The following APOL5 variants were observed in gnomAD, a reference collection of about 807,000 sequenced individuals.
APOL5 encodes apolipoprotein L, 5.
Under a neutral mutation model 35.5 loss-of-function variants are expected in APOL5, and 29 were observed. That is an observed-to-expected ratio of 0.82 (90% CI 0.61 to 1.11). The LOEUF (loss-of-function observed/expected upper bound fraction) is 1.11, where lower values mean the gene tolerates loss of function less well. Among genes scored for constraint, APOL5 ranks in the 50% most tolerant of loss-of-function variants. The pLI is 0.00. For missense variants in APOL5, 514 were observed against 530.4 expected (o/e 0.97, Z 0.30); for synonymous variants, 188 against 200.2 (o/e 0.94, Z 0.51).
rs2076671 is a variant in APOL5 at position 35,726,883 on chromosome 22, C to T, written c.815C>T (p.Thr272Met). The T allele has an allele frequency of 0.32, 523,083 of 1,613,896 alleles. 88,255 individuals carry two copies. Among genetic ancestry groups the T allele is most frequent in the East Asian group, 0.58 (25,886 of 44,866 alleles). ...GCCAAGAGACACATCCCTTTCTGGA[C>T]GGCTAGAGGGGTGCAGAGAGCCTTT... is the stretch of plus-strand genomic sequence containing the variant. ...FVAKRHIPFW[T>M]ARGVQRAFEG... Residue 272 changes from threonine to methionine, a missense_variant, in exon 3 of 5, where the codon ACG becomes ATG. By Grantham distance (81) the Thr-to-Met change is moderately conservative (BLOSUM62 -1). This residue lies in a region of APOL5 where 238 missense variants were observed against 229.1 expected (regional missense o/e 1.04). Transcript: ENST00000249044.
At chr22:35,718,923 G>A (rs564822713) in intron 1 of APOL5, among the ~76,000 whole-genome samples, 1 of 152,108 alleles carries the variant, frequency 6.6e-6, no homozygotes, top group Non-Finnish European at 1.5e-5. Flanking sequence ...TCCAGGCATG[G>A]TGGTGCGCAC....
the APOL5 span, among the ~76,000 whole-genome samples, chr22:35,710,113 C>CTTTTTTTTTTTTTTTTTTTTTTTT: frequency 1.2e-5 from 1 of 86,668 alleles, no homozygotes; most frequent in African/African-American, 6.9e-5. Context: ...CTTTCTTTCT[C>CTTTTTTTTTTTTTTTTTTTTTTTT]TTTTTTTTTT....
intron 3 of APOL5, 108 bp downstream of exon 3, chr22:35,727,302 T>C (rs1927207125): frequency 6.8e-6 from 10 of 1,460,030 alleles, no homozygotes; most frequent in Admixed American, 2.3e-5. Flanking sequence ...TAACTACAGC[T>C]GCCCCTTCTG....
rs1191148500 is a variant in APOL5 at position 35,726,660 on chromosome 22, G to A, written c.592G>A (p.Ala198Thr). The A allele has an allele frequency of 1.2e-6, 2 of 1,614,214 alleles. No individual in the cohort carries two copies. Among genetic ancestry groups the A allele is most frequent in the Non-Finnish European group, 8.5e-7 (1 of 1,180,040 alleles). ...CTTAGAAAATAGAAGCAATTCAGCA[G>A]CAAGAGACAAAGCCAGCCGACTGGG... Reference protein sequence around the residue: ...NVLENRSNSAARDKASRLGPL... With the variant: ...NVLENRSNSATRDKASRLGPL... Residue 198 changes from alanine to threonine, a missense_variant, in exon 3 of 5, where the codon GCA becomes ACA. By Grantham distance (58) the Ala-to-Thr change is moderately conservative (BLOSUM62 0). Transcript: ENST00000249044.
chr22:35,719,689 A>AGGTCTT (rs1294666582), intron 1 of APOL5, among the ~76,000 whole-genome samples: 1 of 152,202 alleles, frequency 6.6e-6, no homozygotes, highest in Middle Eastern at 3.2e-3. Flanking sequence ...GCGGACCGGC[A>AGGTCTT]GGTCTTGGGG....
At chr22:35,716,741 T>G (rs1316698701), upstream of APOL5, among the ~76,000 whole-genome samples, 1 of 95,706 alleles carries the variant, frequency 1.0e-5, no homozygotes, top group Admixed American at 9.3e-5. Context: ...ACATCACATA[T>G]ATAGTACTTA....
In APOL5 at chr22:35,728,869, A is replaced by G. The variant is rs753648908; in HGVS notation, c.1273A>G (p.Arg425Gly). 1.9e-6 allele frequency: 3 copies of G among 1,609,438 alleles called. No individual in the cohort carries two copies. Among genetic ancestry groups the G allele is most frequent in the Admixed American group, 3.4e-5 (2 of 59,318 alleles). ...CCCACCAGCACCAGCAAGAAAGGGG[A>G]GACAGGCCCCGGGAAGACACCGACA... ...PAPPAPARKG[R>G]QAPGRHRQ Residue 425 changes from arginine to glycine, a missense_variant, in exon 4 of 5, where the codon AGA becomes GGA. Physicochemically the swap from Arg to Gly is moderately radical, Grantham distance 125. Around this residue, in one of 3 missense-constraint regions of APOL5, gnomAD observed 238 missense variants for 229.1 expected, o/e 1.04. Coordinates refer to ENST00000249044, the MANE Select transcript of APOL5 (RefSeq NM_030642.1).
chr22:35,725,316 A>T (rs1411438859), intron 2 of APOL5, among the ~76,000 whole-genome samples: 1 of 151,962 alleles, frequency 6.6e-6, no homozygotes, highest in African/African-American at 2.4e-5. Context: ...CCCAGGCCGG[A>T]GTGCAGTGGC....
At chr22:35,708,896 C>T in the APOL5 span, among the ~76,000 whole-genome samples, 1 of 152,234 alleles carries the variant, frequency 6.6e-6, no homozygotes, top group East Asian at 1.9e-4. Context: ...GGTAGCTACC[C>T]TGCGCCCACA....
At position 35,723,906 on chromosome 22, in the gene APOL5, G is replaced by A. The variant is rs531132671; in HGVS notation, c.143-2305G>A. Among the ~76,000 whole-genome samples, 16 of 152,292 alleles carry A rather than the reference G, an allele frequency of 1.1e-4. 1 individual carries two copies. Among genetic ancestry groups the A allele is most frequent in the South Asian group, 4.1e-4 (2 of 4,826 alleles). On this transcript the variant is annotated intron_variant, in intron 2 of 4. Transcript: ENST00000249044. Reference sequence around the variant, plus strand: ...CTGGAGGCGGAGGTTGCAGTGAGCCGAGATCGCGCCACTGCACTCCAGCCC... The same window carrying A: ...CTGGAGGCGGAGGTTGCAGTGAGCCAAGATCGCGCCACTGCACTCCAGCCC...
the APOL5 span, among the ~76,000 whole-genome samples, chr22:35,708,581 A>T: frequency 6.6e-6 from 1 of 152,188 alleles, no homozygotes; most frequent in South Asian, 2.1e-4. Flanking sequence ...TCAGGATCAC[A>T]TCTGTGCTCT....
chr22:35,725,025 C>T (rs1927101575), intron 2 of APOL5, among the ~76,000 whole-genome samples: 1 of 152,122 alleles, frequency 6.6e-6, no homozygotes, highest in Non-Finnish European at 1.5e-5. Flanking sequence ...AACACACGGC[C>T]ACCCCCACCC....
Position 35,720,635 on chromosome 22 carries a change from G to C in APOL5, c.123G>C (p.Lys41Asn). The change falls in exon 2 of 5, where the codon AAG (lysine) becomes AAC (asparagine). Residue 41 changes from lysine to asparagine, a missense_variant. Lys to Asn is a moderately conservative substitution (Grantham distance 94). This residue lies in a region of APOL5 where 254 missense variants were observed against 254.7 expected (regional missense o/e 1.00). Coordinates refer to ENST00000249044, the MANE Select transcript of APOL5 (RefSeq NM_030642.1). The stretch of plus-strand genomic sequence containing the variant: ...TCTACGGAGGTGAGGTCTGGGGGAA[G>C]TCCCCAGAACCTGAGTTCCGTGAGG... ...KVIYGGEVWGKSPEPEFPSLV... is the reference protein window; with the variant it reads ...KVIYGGEVWGNSPEPEFPSLV... 6.2e-7 allele frequency: 1 copy of C among 1,613,572 alleles called. No individual in the cohort carries two copies. Among genetic ancestry groups the C allele is most frequent in the Non-Finnish European group, 8.5e-7 (1 of 1,179,630 alleles).
At chr22:35,727,386 C>T (rs1474265611) in intron 3 of APOL5, among the ~76,000 whole-genome samples, 192 bp downstream of exon 3, 2 of 152,196 alleles carry the variant, frequency 1.3e-5, no homozygotes, top group East Asian at 3.8e-4. Context: ...GCGTTCTGTT[C>T]TCTCAAAGCC....
chr22:35,719,729 A>G (rs1303042337), intron 1 of APOL5, among the ~76,000 whole-genome samples: 1 of 89,944 alleles, frequency 1.1e-5, no homozygotes, highest in African/African-American at 5.2e-5. Flanking sequence ...CAGCAGCCCC[A>G]TCTAGGGTTG....
At chr22:35,717,754 G>T (rs2413369), upstream of APOL5, 11 of 343,844 alleles carry the variant, frequency 3.2e-5, no homozygotes, top group Non-Finnish European at 5.2e-5. Flanking sequence ...AAAAAAAAAA[G>T]AAAGAAAAGA....
the APOL5 span, among the ~76,000 whole-genome samples, chr22:35,711,476 C>T: frequency 5.3e-5 from 8 of 152,168 alleles, no homozygotes; most frequent in Non-Finnish European, 1.2e-4. Context: ...TTGTTTTACA[C>T]AAGGTGAAAA....
At chr22:35,716,712 A>G (rs1926755153), upstream of APOL5, among the ~76,000 whole-genome samples, 1 of 152,020 alleles carries the variant, frequency 6.6e-6, no homozygotes, top group African/African-American at 2.4e-5. Context: ...ATCTCCTTCG[A>G]GAATATTCCC....
chr22:35,716,750 T>TAA (rs11387924), upstream of APOL5, among the ~76,000 whole-genome samples: 34 of 151,470 alleles, frequency 2.2e-4, no homozygotes, highest in Non-Finnish European at 3.8e-4. Context: ...ATATAGTACT[T>TAA]AAAAAAAATA....
Sources: gnomAD v4.1 joint callset for allele counts (sites outside exome capture counted in the v4.1 genomes callset) on GRCh38, gnomAD v4.1.1 for gene constraint, gnomAD v4.1.1 regional missense constraint, MANE v1.5 for transcripts, NCBI Gene and HGNC (gene_info 2026-07-23, HGNC 2026-07-21) for gene names.